The following MAP2 variants were observed in gnomAD, a reference collection of about 807,000 sequenced individuals.
MAP2 encodes the protein microtubule associated protein 2.
Under a neutral mutation model 137.6 loss-of-function variants are expected in MAP2, and 14 were observed. The ratio of observed to expected loss-of-function variants is 0.10; its 90% CI spans 0.07 to 0.16. The LOEUF is 0.16. MAP2 is among the 10% of genes least tolerant of loss of function. The pLI is 1.00. For missense variants in MAP2, 2,088 were observed against 2,191.5 expected (o/e 0.95, Z 0.94); for synonymous variants, 786 against 782.3 (o/e 1.00, Z -0.08).
chr2:209,678,320 A>G (rs1039795626), intron 5 of MAP2, among the ~76,000 whole-genome samples: 122 of 151,984 alleles, frequency 8.0e-4, no homozygotes, highest in Non-Finnish European at 1.2e-3. Context: ...AAATGTTCAA[A>G]TACTATGTAA....
chr2:209,462,777 T>C (rs1165161869), intron 1 of MAP2, among the ~76,000 whole-genome samples: 2 of 152,174 alleles, frequency 1.3e-5, no homozygotes, highest in Non-Finnish European at 2.9e-5. Context: ...TTGGTTAGAG[T>C]TATGTCTTTG....
intron 4 of MAP2, among the ~76,000 whole-genome samples, chr2:209,625,773 A>G (rs1056202764): frequency 1.4e-4 from 21 of 152,224 alleles, no homozygotes; most frequent in Admixed American, 6.5e-5. Flanking sequence ...TGAACGCGCT[A>G]TAAATGCATA....
intron 5 of MAP2, among the ~76,000 whole-genome samples, chr2:209,677,403 T>TAGAC (rs71395564): frequency 0.034 from 4,969 of 146,430 alleles, 123 homozygotes; most frequent in East Asian, 0.063. Flanking sequence ...GATAGATAGA[T>TAGAC]AGACAGACAG....
At chr2:209,598,438 T>TA (rs1306062362) in intron 3 of MAP2, among the ~76,000 whole-genome samples, 1 of 151,500 alleles carries the variant, frequency 6.6e-6, no homozygotes, top group African/African-American at 2.4e-5. Flanking sequence ...TTATTTTATT[T>TA]TTTATTTTAT....
chr2:209,539,267 A>C (rs2066487113), intron 2 of MAP2, among the ~76,000 whole-genome samples: 1 of 152,202 alleles, frequency 6.6e-6, no homozygotes, highest in Non-Finnish European at 1.5e-5. Flanking sequence ...AACTTATTAA[A>C]TATTAATGGA....
intron 3 of MAP2, among the ~76,000 whole-genome samples, chr2:209,622,749 A>G (rs777952436): frequency 1.3e-5 from 2 of 152,204 alleles, no homozygotes; most frequent in African/African-American, 2.4e-5. Flanking sequence ...GGAATAGGCC[A>G]TAAGTTGCTC....
At chr2:209,676,720 C>CATATATATATAT (rs56283066) in intron 5 of MAP2, among the ~76,000 whole-genome samples, 4 of 71,822 alleles carry the variant, frequency 5.6e-5, no homozygotes, top group South Asian at 4.8e-4. Context: ...ACACAAAGGT[C>CATATATATATAT]ATATATATAT....
Position 209,680,603 on chromosome 2 carries a change from C to T in MAP2, c.377-147C>T, listed in dbSNP as rs1019763224. On this transcript the variant is annotated intron_variant, in intron 6 of 15. Coordinates refer to ENST00000682079, the MANE Select transcript of MAP2 (RefSeq NM_001375505.1). The stretch of plus-strand genomic sequence containing the variant: ...AAAATGCATGAATCAGGTAATGGGC[C>T]TATAAATAAACCAAATGCGGCTTAC... 5 of 669,538 alleles carry T rather than the reference C, an allele frequency of 7.5e-6. No homozygotes were observed. The African/African-American group carries it at 8.9e-5, about 12-fold the overall frequency. The allele number at this position is 669,538 out of a possible 1,614,324, so 41.5% of individuals were successfully genotyped here.
chr2:209,472,946 A>G (rs1291608290), intron 1 of MAP2, among the ~76,000 whole-genome samples: 1 of 152,146 alleles, frequency 6.6e-6, no homozygotes, highest in Non-Finnish European at 1.5e-5. Flanking sequence ...GGGATTTCTG[A>G]TTACTGTTAT....
At chr2:209,646,212 TAAAG>T (rs1288560049) in intron 4 of MAP2, among the ~76,000 whole-genome samples, 1 of 151,962 alleles carries the variant, frequency 6.6e-6, no homozygotes, top group Non-Finnish European at 1.5e-5. Context: ...TAAAATGAAA[TAAAG>T]AAAATAAAAG....
chr2:209,581,301 A>C (rs934564030), intron 3 of MAP2, among the ~76,000 whole-genome samples: 2 of 152,208 alleles, frequency 1.3e-5, no homozygotes, highest in Non-Finnish European at 2.9e-5. Context: ...TCAGCCTTCT[A>C]GAGTGTAGGC....
At chr2:209,618,203 A>C (rs1230298173) in intron 3 of MAP2, among the ~76,000 whole-genome samples, 2 of 152,100 alleles carry the variant, frequency 1.3e-5, no homozygotes, top group East Asian at 3.9e-4. Context: ...AAGAGACAAA[A>C]GGAGCAGAGG....
At chr2:209,531,246 T>C (rs1577275580) in intron 2 of MAP2, among the ~76,000 whole-genome samples, 1 of 152,218 alleles carries the variant, frequency 6.6e-6, no homozygotes, top group Non-Finnish European at 1.5e-5. Flanking sequence ...TCTTTATTTC[T>C]AAGTTCTTAT....
chr2:209,606,766 GC>G (rs745340628), intron 3 of MAP2, among the ~76,000 whole-genome samples: 2 of 152,112 alleles, frequency 1.3e-5, no homozygotes, highest in African/African-American at 2.4e-5. Flanking sequence ...GCATATATGA[GC>G]CCTGCTTGGA....
chr2:209,529,428 G>A (rs1341076624), intron 2 of MAP2, among the ~76,000 whole-genome samples: 2 of 152,124 alleles, frequency 1.3e-5, no homozygotes, highest in Non-Finnish European at 2.9e-5. Flanking sequence ...AACTGAACCT[G>A]TCAGATGAGG....
At chr2:209,667,805 T>C (rs1276116644) in intron 5 of MAP2, among the ~76,000 whole-genome samples, 1 of 151,934 alleles carries the variant, frequency 6.6e-6, no homozygotes, top group South Asian at 2.1e-4. Context: ...GGTATAGTAA[T>C]ATCTGCCTAC....
rs2085563552 is a variant in MAP2, at chr2:209,608,423, G to A, written c.-106-16630G>A. Among the ~76,000 whole-genome samples, 3 of 152,016 alleles carry A rather than the reference G, an allele frequency of 2.0e-5. No individual in the cohort carries two copies. The South Asian group carries it at 6.2e-4, about 32-fold the overall frequency. ...CCACCTCAGCCTCCTGAGTAGCTGG[G>A]CTGCTGGGGTGTGCCACCACACCTG... On this transcript the variant is annotated intron_variant, in intron 3 of 15. Coordinates refer to ENST00000682079, the MANE Select transcript of MAP2 (RefSeq NM_001375505.1).
In MAP2 at chr2:209,733,460, C is replaced by CCACACACACACACACACACACACACA. The variant is rs112861196; in HGVS notation, c.*3071_*3096dup. ...AATGTACTGATTGTAGTGACCTTCT[C>CCACACACACACACACACACACACACA]CACACACACACACACACACACACAC... is the stretch of plus-strand genomic sequence containing the variant. On this transcript the variant is annotated 3_prime_UTR_variant, in exon 16 of 16. Coordinates refer to ENST00000682079, the MANE Select transcript of MAP2 (RefSeq NM_001375505.1). 3 of 148,216 alleles carry CCACACACACACACACACACACACACA rather than the reference C, an allele frequency of 2.0e-5. No homozygotes were observed. Among genetic ancestry groups the CCACACACACACACACACACACACACA allele is most frequent in the East Asian group, 2.0e-4 (1 of 4,988 alleles). The allele number at this position is 148,216 out of a possible 1,614,324, so 9.2% of individuals were successfully genotyped here. A position where few individuals can be genotyped will look rare whatever the true frequency, so the allele number is the denominator to read the frequency against.
chr2:209,488,869 G>A (rs865779017), intron 1 of MAP2, among the ~76,000 whole-genome samples: 15 of 152,300 alleles, frequency 9.8e-5, no homozygotes, highest in South Asian at 4.1e-4. Context: ...AGCTTCAGCC[G>A]ACTTAAACGT....
Sources: allele counts gnomAD v4.1 joint callset (sites outside exome capture counted in the v4.1 genomes callset), GRCh38; gene constraint gnomAD v4.1.1; transcripts MANE v1.5; gene names NCBI Gene and HGNC (gene_info 2026-07-23, HGNC 2026-07-21).